Variants in FSIP1 observed in about 807,000 individuals in gnomAD.
The protein encoded by FSIP1 is fibrous sheath interacting protein 1, also known as fibrous sheath-interacting protein 1.
Under a neutral mutation model 60.9 loss-of-function variants are expected in FSIP1, and 65 were observed. The observed-to-expected ratio is 1.07, with a 90% CI of 0.87 to 1.31. The LOEUF (loss-of-function observed/expected upper bound fraction) is 1.31. Ranked by LOEUF, FSIP1 falls within the 40% of genes most tolerant of loss-of-function variation. The pLI is 0.00. For synonymous variants in FSIP1, 209 were observed against 221.2 expected, an observed-to-expected ratio of 0.94 and a Z score of 0.49; for missense variants, 675 against 665.5, an observed-to-expected ratio of 1.01 and a Z score of -0.16.
At chr15:39,658,085 T>A (rs1026230057) in intron 10 of FSIP1, among the ~76,000 whole-genome samples, 1 of 152,158 alleles carries the variant, frequency 6.6e-6, no homozygotes, top group African/African-American at 2.4e-5. Context: ...TTTCCACAAC[T>A]TTTAATATTT....
At chr15:39,696,601 A>G (rs1256622256) in intron 10 of FSIP1, among the ~76,000 whole-genome samples, 3 of 152,186 alleles carry the variant, frequency 2.0e-5, no homozygotes, top group African/African-American at 7.2e-5. Context: ...TCCACTTAAG[A>G]ATATATCCTA....
intron 5 of FSIP1, among the ~76,000 whole-genome samples, chr15:39,759,200 AAGTT>A (rs553867557): frequency 8.8e-4 from 134 of 152,136 alleles, no homozygotes; most frequent in Non-Finnish European, 1.6e-3. Context: ...ATTAAAAAAA[AAGTT>A]AGAAAAATGC....
intron 10 of FSIP1, among the ~76,000 whole-genome samples, chr15:39,685,808 A>G (rs1894344753): frequency 6.6e-6 from 1 of 152,172 alleles, no homozygotes. Context: ...AAGGCCTTTA[A>G]TGAAACCTCA....
At chr15:39,613,032 A>G (rs1034976700) in intron 11 of FSIP1, among the ~76,000 whole-genome samples, 8 of 152,116 alleles carry the variant, frequency 5.3e-5, no homozygotes, top group Non-Finnish European at 8.8e-5. Context: ...TATTATAAGA[A>G]GAATATGAAG....
intron 5 of FSIP1, among the ~76,000 whole-genome samples, chr15:39,752,052 TGGA>T (rs2140672358): frequency 6.6e-6 from 1 of 152,144 alleles, no homozygotes; most frequent in South Asian, 2.1e-4. Flanking sequence ...TACAAAATTC[TGGA>T]GAAGAAAAGA....
intron 5 of FSIP1, among the ~76,000 whole-genome samples, chr15:39,749,716 G>T (rs1897109068): frequency 6.6e-6 from 1 of 151,888 alleles, no homozygotes; most frequent in African/African-American, 2.4e-5. Flanking sequence ...AACCAAGGGG[G>T]AAAAACGGAA....
rs112311276 is a variant in FSIP1 at position 39,764,003 on chromosome 15, C to G, written c.466-89G>C. 3,578 of 712,274 alleles carry G rather than the reference C, an allele frequency of 5.0e-3. 80 individuals are homozygous for G. The African/African-American group carries it at 0.051, about 10-fold the overall frequency. 44.1% of individuals were successfully genotyped at this position (712,274 alleles called of 1,614,324 possible). ...TAAACTCCAACACGGCTCCCAATCA[C>G]ATACGTACAAACGAGAAGTCTCAGG... On this transcript the variant is annotated intron_variant, in intron 4 of 11. Transcript: ENST00000350221.
chr15:39,679,944 T>C (rs1894093726), intron 10 of FSIP1, among the ~76,000 whole-genome samples: 1 of 152,194 alleles, frequency 6.6e-6, no homozygotes, highest in South Asian at 2.1e-4. Flanking sequence ...TTAGCATTCA[T>C]TTGAACGTTT....
rs35811726 is a variant in FSIP1, at chr15:39,620,757, A to AAT, written c.1189-2514_1189-2513dup. ...TAGGCACCCACCACCACACCTGGCT[A>AAT]ATATATATATATATATATTTATATT... On this transcript the variant is annotated intron_variant, in intron 10 of 11. Coordinates refer to ENST00000350221, the MANE Select transcript of FSIP1 (RefSeq NM_152597.5). Among the ~76,000 whole-genome samples, 509 of 144,582 alleles carry AAT rather than the reference A, an allele frequency of 3.5e-3. 1 individual carries two copies. Among genetic ancestry groups the AAT allele is most frequent in the East Asian group, 7.7e-3 (38 of 4,922 alleles). The allele number at this position is 144,582 out of a possible 152,430, so 94.9% of individuals were successfully genotyped here.
intron 9 of FSIP1, among the ~76,000 whole-genome samples, chr15:39,725,549 T>C (rs1310573406): frequency 6.6e-6 from 1 of 152,220 alleles, no homozygotes; most frequent in Non-Finnish European, 1.5e-5. Context: ...AAGGATTACC[T>C]ATAGGCTACT....
intron 5 of FSIP1, among the ~76,000 whole-genome samples, chr15:39,744,167 T>C (rs1041549825): frequency 6.6e-6 from 1 of 152,196 alleles, no homozygotes; most frequent in African/African-American, 2.4e-5. Context: ...TTGGAGACTC[T>C]GGATAGAGAG....
intron 9 of FSIP1, among the ~76,000 whole-genome samples, chr15:39,719,083 C>T (rs28504386): frequency 0.12 from 18,041 of 152,076 alleles, 1,304 homozygotes; most frequent in African/African-American, 0.2. Context: ...TTCAAATATT[C>T]GAAAAATACT....
intron 9 of FSIP1, among the ~76,000 whole-genome samples, chr15:39,718,263 C>CAT (rs59826408): frequency 6.6e-6 from 1 of 151,724 alleles, no homozygotes; most frequent in Non-Finnish European, 1.5e-5. Context: ...CACACACACA[C>CAT]ATATATATAC....
intron 10 of FSIP1, among the ~76,000 whole-genome samples, chr15:39,710,910 T>A (rs1895480345): frequency 6.6e-6 from 1 of 152,256 alleles, no homozygotes; most frequent in Non-Finnish European, 1.5e-5. Context: ...TCTTATCTAC[T>A]CATGTATTAT....
intron 11 of FSIP1, among the ~76,000 whole-genome samples, chr15:39,612,376 A>G (rs1891067509): frequency 6.6e-6 from 1 of 152,190 alleles, no homozygotes; most frequent in Non-Finnish European, 1.5e-5. Context: ...TGTGGAAATT[A>G]AACAACATGC....
At chr15:39,607,840 C>T (rs1258190651) in intron 11 of FSIP1, among the ~76,000 whole-genome samples, 1 of 152,158 alleles carries the variant, frequency 6.6e-6, no homozygotes, top group Non-Finnish European at 1.5e-5. Context: ...CTGTCTGCTT[C>T]CAGAAATCTA....
chr15:39,743,627 A>G (rs1896878698), intron 5 of FSIP1, among the ~76,000 whole-genome samples: 1 of 152,200 alleles, frequency 6.6e-6, no homozygotes, highest in Admixed American at 6.5e-5. Flanking sequence ...AATAGCCTCA[A>G]AGTATCTATC....
chr15:39,605,337 A>G lies in FSIP1; in HGVS notation c.1700-4411T>C, dbSNP rs963602369. On this transcript the variant is annotated intron_variant, in intron 11 of 11. Transcript: ENST00000350221. ...CTTGGACACAGCTAGAAAACAAACA[A>G]GCAAAAAACTCCCCAGATGATCTTG... Among the ~76,000 whole-genome samples, 8 of 152,144 alleles carry G rather than the reference A, an allele frequency of 5.3e-5. No homozygotes were observed. In the East Asian group the frequency reaches 1.5e-3, roughly 29 times the overall value.
At chr15:39,635,333 CAA>C (rs996803121) in intron 10 of FSIP1, among the ~76,000 whole-genome samples, 1 of 119,688 alleles carries the variant, frequency 8.4e-6, no homozygotes, top group Non-Finnish European at 1.8e-5. Flanking sequence ...GACTCTGTCT[CAA>C]AAAAAAAAAA....
Sources: gnomAD v4.1 joint callset for allele counts (sites outside exome capture counted in the v4.1 genomes callset) on GRCh38, gnomAD v4.1.1 for gene constraint, MANE v1.5 for transcripts, NCBI Gene and HGNC (gene_info 2026-07-23, HGNC 2026-07-21) for gene names.